GSR: variants seen among roughly 807,000 people sequenced by gnomAD.
GSR encodes the protein glutathione-disulfide reductase, also known as glutathione reductase, mitochondrial.
GSR carries 48 observed loss-of-function variants against 56.5 expected under a neutral mutation model. That is an observed-to-expected ratio of 0.85 (90% CI 0.67 to 1.08). The LOEUF is 1.08. Ranked by LOEUF, GSR falls within the 50% of genes least tolerant of loss-of-function variation. GSR has a pLI of 0.00. For missense variants in GSR, 694 were observed against 703.3 expected (o/e 0.99, Z 0.15); for synonymous variants, 264 against 270.8 (o/e 0.97, Z 0.25).
chr8:30,692,546 G>A (rs957826729), intron 8 of GSR, among the ~76,000 whole-genome samples: 5 of 125,862 alleles, frequency 4.0e-5, no homozygotes, highest in Non-Finnish European at 7.9e-5. Context: ...TTGTCGCCCA[G>A]GCTGGAGTGC....
chr8:30,721,603 A>C (rs1295367182), intron 1 of GSR, among the ~76,000 whole-genome samples: 1 of 151,258 alleles, frequency 6.6e-6, no homozygotes, highest in East Asian at 2.0e-4. Context: ...CCGTGAGCCA[A>C]GATCGTGCCA....
At chr8:30,684,060 C>A (rs376018369) in intron 10 of GSR, 28 bp downstream of exon 10, 32 of 1,130,048 alleles carry the variant, frequency 2.8e-5, no homozygotes, top group Middle Eastern at 2.0e-4. Context: ...CGCAGACCCT[C>A]CCTCACCAAG....
intron 8 of GSR, among the ~76,000 whole-genome samples, chr8:30,690,541 G>C (rs73670181): frequency 6.6e-6 from 1 of 151,998 alleles, no homozygotes; most frequent in Non-Finnish European, 1.5e-5. Context: ...TTTACTGAAG[G>C]TCCTAAGGTG....
rs138721223 is a variant in GSR at position 30,684,166 on chromosome 8, C to T, written c.1075G>A (p.Val359Ile). 17 of 1,607,720 alleles carry T rather than the reference C, an allele frequency of 1.1e-5. No individual in the cohort carries two copies. The highest frequency in any genetic ancestry group is 9.3e-5 in the African/African-American group (7 of 74,898). Residue 359 changes from valine (V) to isoleucine (I), a missense_variant, in exon 10 of 13, where the codon GTA becomes ATA. Val to Ile is a conservative substitution (Grantham distance 29, BLOSUM62 3). Transcript: ENST00000221130. ...IQTDDKGHII[V>I]DEFQNTNVKG... is the part of the protein sequence containing the mutation. ...ACGTTGGTATTCTGGAATTCGTCTA[C>T]GATGATATGACCCTTGTCATCGGTT...
intron 6 of GSR, among the ~76,000 whole-genome samples, chr8:30,697,451 A>T (rs1803586864): frequency 6.6e-6 from 1 of 151,626 alleles, no homozygotes; most frequent in African/African-American, 2.4e-5. Context: ...ACAAACAAAC[A>T]AAAAACCCCT....
chr8:30,689,385 C>T, intron 8 of GSR, 66 bp from the exon 9 acceptor site: 1 of 1,299,648 alleles, frequency 7.7e-7, no homozygotes, highest in Non-Finnish European at 1.1e-6. Context: ...AGAAGGAAAG[C>T]AAATACAGAG....
intron 8 of GSR, 29 bp downstream of exon 8, chr8:30,692,940 C>T (rs764899519): frequency 1.1e-5 from 15 of 1,398,476 alleles, no homozygotes; most frequent in South Asian, 8.1e-5. Context: ...GACTGGGGGC[C>T]GCGTGCATGC....
chr8:30,722,524 G>GAGACCAGCAGTTCA (rs1437462639), intron 1 of GSR, among the ~76,000 whole-genome samples: 1 of 151,584 alleles, frequency 6.6e-6, no homozygotes, highest in Non-Finnish European at 1.5e-5. Context: ...TCAGGAGTTC[G>GAGACCAGCAGTTCA]AGACCAGCCT....
chr8:30,717,158 A>T (rs984830276), intron 1 of GSR, among the ~76,000 whole-genome samples: 3 of 151,800 alleles, frequency 2.0e-5, no homozygotes, highest in African/African-American at 7.3e-5. Context: ...AATCGCTTGA[A>T]CCCAGGAGGT....
intron 8 of GSR, among the ~76,000 whole-genome samples, chr8:30,689,744 G>GTATATA (rs1319853103): frequency 4.1e-5 from 2 of 49,206 alleles, no homozygotes; most frequent in African/African-American, 1.7e-4. Context: ...ACGTGTGTGT[G>GTATATA]TGTATATATA....
chr8:30,726,110 T>C (rs1804714913), intron 1 of GSR, among the ~76,000 whole-genome samples: 1 of 152,160 alleles, frequency 6.6e-6, no homozygotes, highest in South Asian at 2.1e-4. Context: ...TGGACTATGG[T>C]GTCAAAGTGC....
chr8:30,705,211 A>G (rs1267071302), intron 4 of GSR, among the ~76,000 whole-genome samples: 1 of 151,758 alleles, frequency 6.6e-6, no homozygotes, highest in African/African-American at 2.4e-5. Flanking sequence ...GGGTTGCTTG[A>G]GTCCAGGAGT....
At chr8:30,720,631 T>G (rs1018871435) in intron 1 of GSR, among the ~76,000 whole-genome samples, 7 of 149,350 alleles carry the variant, frequency 4.7e-5, no homozygotes, top group African/African-American at 1.7e-4. Flanking sequence ...TCATTTCAGA[T>G]GAAGGTTAGT....
chr8:30,718,395 A>T (rs1362869123), intron 1 of GSR, among the ~76,000 whole-genome samples: 1 of 152,158 alleles, frequency 6.6e-6, no homozygotes, highest in East Asian at 1.9e-4. Flanking sequence ...TTAAGGGAAG[A>T]ATGCTTCCAT....
At chr8:30,687,647 A>AAAAC (rs201971263) in intron 9 of GSR, 1,681 of 152,128 alleles carry the variant, frequency 0.011, 22 homozygotes, top group African/African-American at 0.034. Context: ...ACTCTGTCTC[A>AAAAC]AAACAAACAA....
intron 1 of GSR, among the ~76,000 whole-genome samples, chr8:30,714,181 T>G (rs1804248362): frequency 1.4e-5 from 2 of 147,410 alleles, no homozygotes; most frequent in African/African-American, 2.4e-5. Context: ...GGGAGAAAAC[T>G]TTCACATTTT....
At chr8:30,726,394 A>G (rs1279691334) in intron 1 of GSR, among the ~76,000 whole-genome samples, 2 of 152,212 alleles carry the variant, frequency 1.3e-5, no homozygotes, top group Non-Finnish European at 2.9e-5. Flanking sequence ...CCTCTTGGAT[A>G]CAGCATTTTA....
At chr8:30,689,927 TTATTAAATATATG>T (rs999379505) in intron 8 of GSR, among the ~76,000 whole-genome samples, 40 of 142,984 alleles carry the variant, frequency 2.8e-4, no homozygotes, top group East Asian at 2.4e-3. Flanking sequence ...TTTAATGTTT[TTATTAAATATATG>T]TATTAAATAT....
Position 30,679,655 on chromosome 8 carries a change from A to G in GSR, c.1434T>C (p.His478=). The part of the protein sequence containing the change: ...ANKEEKVVGI[H]MQGLGCDEML... ...TTTCATCACACCCAAGTCCCTGCAT[A>G]TGGATCCCAACCACCTGGGAAAAGA... Residue 478 remains histidine (H), a synonymous_variant, in exon 13 of 13, where the codon CAT becomes CAC. Transcript: ENST00000221130. The G allele has an allele frequency of 1.2e-6, 2 of 1,613,198 alleles. No homozygotes were observed. The highest frequency in any genetic ancestry group is 1.7e-6 in the Non-Finnish European group (2 of 1,179,574).
Sources: allele counts gnomAD v4.1 joint callset (sites outside exome capture counted in the v4.1 genomes callset), GRCh38; gene constraint gnomAD v4.1.1; transcripts MANE v1.5; gene names NCBI Gene and HGNC (gene_info 2026-07-23, HGNC 2026-07-21).